Variants in MOCS1 observed in about 807,000 individuals in gnomAD.
MOCS1 encodes the protein molybdenum cofactor synthesis 1, also known as molybdenum cofactor biosynthesis protein 1.
MOCS1 carries 39 observed loss-of-function variants against 57.6 expected under a neutral mutation model. That is an observed-to-expected ratio of 0.68 (90% CI 0.52 to 0.88). The LOEUF is 0.88. MOCS1 is among the 40% of genes least tolerant of loss of function. The pLI is 0.00. For missense variants in MOCS1, 795 were observed against 831.1 expected (o/e 0.96, Z 0.53); for synonymous variants, 334 against 335.7 (o/e 1.00, Z 0.05).
intron 9 of MOCS1, 26 bp from the exon 10 acceptor site, chr6:39,909,128 G>A: frequency 1.3e-6 from 2 of 1,556,774 alleles, no homozygotes; most frequent in Non-Finnish European, 1.8e-6. Flanking sequence ...GATGGGGAGG[G>A]AGAGGAAAGC....
At chr6:39,915,575 G>T (rs1279659753) in intron 4 of MOCS1, among the ~76,000 whole-genome samples, 1 of 152,144 alleles carries the variant, frequency 6.6e-6, no homozygotes, top group African/African-American at 2.4e-5. Flanking sequence ...GGAGGGTATG[G>T]CTGTGCCTGT....
Position 39,927,379 on chromosome 6 carries a change from CG to C in MOCS1, c.199del (p.Arg67GlyfsTer29). Reference sequence around the variant, plus strand: ...GGAGATCCGCAGGTAGCTGTGCTGCCGGCCGAAGCTGTCTGTGAGGAAGGCG... The same window carrying C: ...GGAGATCCGCAGGTAGCTGTGCTGCCGCCGAAGCTGTCTGTGAGGAAGGCG... ...FSAFLTDSFG[R>X]QHSYLRISLT... is the part of the protein sequence containing the mutation. On this transcript the variant is annotated frameshift_variant, in exon 2 of 11. Transcript: ENST00000340692. LOFTEE classifies it high-confidence loss of function. 1 of 1,612,530 alleles carries C rather than the reference CG, an allele frequency of 6.2e-7. No individual in the cohort carries two copies.
intron 3 of MOCS1, among the ~76,000 whole-genome samples, chr6:39,921,397 T>TA (rs34259460): frequency 9.6e-4 from 140 of 146,030 alleles, no homozygotes; most frequent in African/African-American, 1.5e-3. Flanking sequence ...AGACTACGTC[T>TA]AAAAAAAAAA....
At chr6:39,932,116 G>C (rs1300178238) in intron 1 of MOCS1, among the ~76,000 whole-genome samples, 1 of 151,982 alleles carries the variant, frequency 6.6e-6, no homozygotes, top group African/African-American at 2.4e-5. Flanking sequence ...CCCTCATCCT[G>C]CCACACAAAC....
rs970913771 is a variant in MOCS1 at position 39,904,936 on chromosome 6, C to G, written c.*1421G>C. 1.3e-5 allele frequency: 6 copies of G among 453,942 alleles called. No homozygotes were observed. The highest frequency in any genetic ancestry group is 1.2e-4 in the African/African-American group (6 of 49,974). 28.1% of individuals were successfully genotyped at this position (453,942 alleles called of 1,614,324 possible). A position where few individuals can be genotyped will look rare whatever the true frequency, so the allele number is the denominator to read the frequency against. ...GGGGTGGGCTGAGAGTGTGCTGGAG[C>G]CAGCTTGTACCAGCTCTGTGAGAAC... is the stretch of plus-strand genomic sequence containing the variant. On this transcript the variant is annotated 3_prime_UTR_variant, in exon 11 of 11. Transcript: ENST00000340692.
In MOCS1 at chr6:39,913,888, C is replaced by G. The variant is rs191187918; in HGVS notation, c.584-53G>C. 3.9e-6 allele frequency: 6 copies of G among 1,555,194 alleles called. No homozygotes were observed. In the South Asian group the frequency reaches 4.5e-5, roughly 12 times the overall value. ...ACTTCTGTCCTCTCTCCTCTTCCCC[C>G]ACACCCCCACAGAAAAGCACCAGAG... is the stretch of plus-strand genomic sequence containing the variant. On this transcript the variant is annotated intron_variant, in intron 4 of 10. Coordinates refer to ENST00000340692, the MANE Select transcript of MOCS1 (RefSeq NM_001358530.2).
intron 2 of MOCS1, 152 bp from the exon 3 acceptor site, chr6:39,925,997 C>A (rs1392661949): frequency 2.5e-6 from 2 of 790,686 alleles, no homozygotes; most frequent in South Asian, 3.7e-5. Flanking sequence ...GGTGGAAAAA[C>A]CCCAGGCCAG....
chr6:39,927,416 C>G lies in MOCS1; in HGVS notation c.163G>C (p.Ala55Pro). ...RRRQFLREHA[A>P]PFSAFLTDSF... ...TCTGTGAGGAAGGCGGAGAAGGGGG[C>G]CGCATGCTCCCGCAGGAACTGCCTC... Residue 55 changes from alanine (A) to proline (P), a missense_variant, in exon 2 of 11, where the codon GCC (alanine) becomes CCC (proline). Physicochemically the swap from Ala to Pro is conservative, Grantham distance 27. Around this residue, in one of 3 missense-constraint regions of MOCS1, gnomAD observed 416 missense variants for 392.4 expected, o/e 1.06. Coordinates refer to ENST00000340692, the MANE Select transcript of MOCS1 (RefSeq NM_001358530.2). 1 of 1,612,356 alleles carries G rather than the reference C, an allele frequency of 6.2e-7. No individual in the cohort carries two copies. The highest frequency in any genetic ancestry group is 8.5e-7 in the Non-Finnish European group (1 of 1,179,704).
At chr6:39,920,931 G>A (rs1271016884) in intron 3 of MOCS1, among the ~76,000 whole-genome samples, 4 of 150,938 alleles carry the variant, frequency 2.7e-5, no homozygotes, top group Admixed American at 1.3e-4. Context: ...GTGAGCTGTC[G>A]TGCCACTGCA....
At chr6:39,909,758 C>T in intron 9 of MOCS1, 77 bp downstream of exon 9, 2 of 1,594,490 alleles carry the variant, frequency 1.3e-6, no homozygotes, top group Non-Finnish European at 1.7e-6. Context: ...GGTCATCTCA[C>T]CCCACAACTC....
intron 3 of MOCS1, among the ~76,000 whole-genome samples, chr6:39,925,347 G>A (rs1388485903): frequency 6.6e-6 from 1 of 152,144 alleles, no homozygotes; most frequent in Admixed American, 6.5e-5. Context: ...GAATGGGAAG[G>A]AGGGGAAAGG....
intron 7 of MOCS1, 99 bp downstream of exon 7, chr6:39,912,793 C>G: frequency 1.1e-6 from 1 of 923,724 alleles, no homozygotes; most frequent in Non-Finnish European, 1.8e-6. Flanking sequence ...TCCCACATCA[C>G]AGCATCCCCA....
rs1562108486 is a variant in MOCS1, at chr6:39,934,454, G to GA, written c.-38dup. ...CGAGCGGAACCGCAGCCCGCTTCGG[G>GA]AGCACACTGGCCGGGCACTCGCCCC... On this transcript the variant is annotated 5_prime_UTR_variant, in exon 1 of 11. Transcript: ENST00000340692. 4 of 1,555,152 alleles carry GA rather than the reference G, an allele frequency of 2.6e-6. No individual in the cohort carries two copies. In the Admixed American group the frequency reaches 7.5e-5, roughly 29 times the overall value.
chr6:39,926,088 C>T (rs530660681), intron 2 of MOCS1, among the ~76,000 whole-genome samples: 5 of 152,364 alleles, frequency 3.3e-5, no homozygotes, highest in African/African-American at 9.6e-5. Context: ...CTGGCCATAA[C>T]ATCCCTCAGT....
In MOCS1 at chr6:39,907,079, G is replaced by T. The variant is rs553333312; in HGVS notation, c.1189C>A (p.Pro397Thr). ...LMFPNSPPAN[P>T]SIFSWDPLHV... ...AGCGGGTCCCAGGAGAAAATGCTTG[G>T]ATTGGCTGGTGGGGAATTGGGGAAC... is the stretch of plus-strand genomic sequence containing the variant. The change falls in exon 11 of 11, where the codon CCA becomes ACA. Residue 397 changes from proline (P) to threonine (T), a missense_variant. Transcript: ENST00000340692. 1.9e-6 allele frequency: 3 copies of T among 1,613,374 alleles called. No homozygotes were observed. The South Asian group carries it at 3.3e-5, about 18-fold the overall frequency.
In MOCS1 at chr6:39,904,413, G is replaced by A. The variant is rs1419326830; in HGVS notation, c.*1944C>T. ...GGGCTGGTGCCCAGTCGGGGTGGCT[G>A]AGCTGGTCCTTAATAGGTTGTTTCT... On this transcript the variant is annotated 3_prime_UTR_variant, in exon 11 of 11. Coordinates refer to ENST00000340692, the MANE Select transcript of MOCS1 (RefSeq NM_001358530.2). The A allele has an allele frequency of 2.2e-6, 1 of 455,478 alleles. No homozygotes were observed. The allele number at this position is 455,478 out of a possible 1,614,324, so 28.2% of individuals were successfully genotyped here. A position where few individuals can be genotyped will look rare whatever the true frequency, so the allele number is the denominator to read the frequency against.
rs771538761 is a variant in MOCS1 at position 39,912,981 on chromosome 6, T to A, written c.781A>T (p.Met261Leu). 6.2e-7 allele frequency: 1 copy of A among 1,614,026 alleles called. No homozygotes were observed. The highest frequency in any genetic ancestry group is 2.2e-5 in the East Asian group (1 of 44,874). The change falls in exon 7 of 11, where the codon ATG becomes TTG. Residue 261 changes from methionine (M) to leucine (L), a missense_variant. Transcript: ENST00000340692. ...FDGNKWNFKK[M>L]VSYKEMLDTV... ...TCTAGCATCTCCTTATAGCTGACCATCTTCTTGAAGTTCCACTTGTTGCCT... is the reference window on the plus strand; with the variant it reads ...TCTAGCATCTCCTTATAGCTGACCAACTTCTTGAAGTTCCACTTGTTGCCT...
rs1241360179 is a variant in MOCS1, at chr6:39,905,105, G to A, written c.*1252C>T. The A allele has an allele frequency of 2.2e-6, 1 of 454,526 alleles. No homozygotes were observed. The highest frequency in any genetic ancestry group is 4.4e-6 in the Non-Finnish European group (1 of 226,894). 28.2% of individuals were successfully genotyped at this position (454,526 alleles called of 1,614,324 possible). A position where few individuals can be genotyped will look rare whatever the true frequency, so the allele number is the denominator to read the frequency against. ...ATTTGCCAGCACACCTTGGCATAGGGCAGAGGGGAGGCAGGCAGGGGGCAC... is the reference window on the plus strand; with the variant it reads ...ATTTGCCAGCACACCTTGGCATAGGACAGAGGGGAGGCAGGCAGGGGGCAC... On this transcript the variant is annotated 3_prime_UTR_variant, in exon 11 of 11. Transcript: ENST00000340692.
chr6:39,927,569 T>A, intron 1 of MOCS1, 114 bp from the exon 2 acceptor site: 2 of 1,609,816 alleles, frequency 1.2e-6, no homozygotes, highest in Non-Finnish European at 1.7e-6. Flanking sequence ...AGCTTCCAAC[T>A]CTTCCACATG....
Sources: allele counts gnomAD v4.1 joint callset (sites outside exome capture counted in the v4.1 genomes callset), GRCh38; gene constraint gnomAD v4.1.1; regional missense constraint gnomAD v4.1.1; transcripts MANE v1.5; gene names NCBI Gene and HGNC (gene_info 2026-07-23, HGNC 2026-07-21).